ATF7: variants seen among roughly 807,000 people sequenced by gnomAD.
ATF7 encodes the protein cyclic AMP-dependent transcription factor ATF-7.
Under a neutral mutation model 50.4 loss-of-function variants are expected in ATF7, and 10 were observed. The observed-to-expected ratio is 0.20, with a 90% confidence interval of 0.12 to 0.34. The LOEUF is 0.34. Ranked by LOEUF, ATF7 falls within the 10% of genes least tolerant of loss-of-function variation. ATF7 has a pLI of 1.00. For missense variants in ATF7, 465 were observed against 613.9 expected (o/e 0.76, Z 2.56); for synonymous variants, 201 against 226.4 (o/e 0.89, Z 1.01).
chr12:53,600,397 G>A (rs1943344524), intron 2 of ATF7, among the ~76,000 whole-genome samples: 1 of 151,568 alleles, frequency 6.6e-6, no homozygotes, highest in African/African-American at 2.4e-5. Context: ...CTGGAGTGCA[G>A]TCGCACAATT....
intron 2 of ATF7, among the ~76,000 whole-genome samples, chr12:53,557,981 A>T (rs184904365): frequency 2.5e-4 from 38 of 152,364 alleles, no homozygotes; most frequent in African/African-American, 8.9e-4. Flanking sequence ...TTTTAATGTA[A>T]CTACTAGAAA....
intron 11 of ATF7, 196 bp from the exon 12 acceptor site, chr12:53,517,550 G>A (rs1937786603): frequency 3.3e-6 from 2 of 599,130 alleles, no homozygotes; most frequent in Admixed American, 5.9e-5. Context: ...TGTAAGAAGG[G>A]AAGAACTAGG....
chr12:53,550,323 C>CAAAAAAAAA (rs72114384), intron 3 of ATF7, among the ~76,000 whole-genome samples: 1 of 126,368 alleles, frequency 7.9e-6, no homozygotes, highest in African/African-American at 3.0e-5. Flanking sequence ...GACCCTGTCT[C>CAAAAAAAAA]AAAAAAAAAA....
intron 2 of ATF7, among the ~76,000 whole-genome samples, chr12:53,578,778 T>C (rs1942236073): frequency 7.7e-6 from 1 of 129,518 alleles, no homozygotes; most frequent in South Asian, 2.5e-4. Context: ...AGTGAGATGC[T>C]GTCTCAAAAA....
chr12:53,579,994 G>A (rs1323189875), intron 2 of ATF7, among the ~76,000 whole-genome samples: 3 of 151,832 alleles, frequency 2.0e-5, no homozygotes, highest in African/African-American at 4.8e-5. Flanking sequence ...GGAGTGGCAC[G>A]ATCTCAGTTC....
intron 2 of ATF7, among the ~76,000 whole-genome samples, chr12:53,595,805 G>A (rs1943127542): frequency 6.6e-6 from 1 of 152,182 alleles, no homozygotes; most frequent in South Asian, 2.1e-4. Context: ...GAAAGGAAAA[G>A]CAGGCCCCAG....
chr12:53,556,670 A>G (rs1940777695), intron 2 of ATF7, among the ~76,000 whole-genome samples: 2 of 152,148 alleles, frequency 1.3e-5, no homozygotes, highest in African/African-American at 4.8e-5. Flanking sequence ...ATTTTCTCTC[A>G]CTTATTAAGA....
rs371379555 is a variant in ATF7 at position 53,552,512 on chromosome 12, A to G, written c.145+29T>C. The G allele has an allele frequency of 2.5e-4, 391 of 1,566,098 alleles. 2 individuals are homozygous for G. Among genetic ancestry groups the G allele is most frequent in the Non-Finnish European group, 3.4e-4 (381 of 1,137,056 alleles). ...TAATCTTAACTGCCTGGTGGTATCA[A>G]GGCACGTGGCTTTTGGGGCAGCAAA... On this transcript the variant is annotated intron_variant, in intron 3 of 11. Coordinates refer to ENST00000420353, the MANE Select transcript of ATF7 (RefSeq NM_006856.3).
At chr12:53,520,296 G>C (rs888738674) in intron 11 of ATF7, among the ~76,000 whole-genome samples, 8 of 151,988 alleles carry the variant, frequency 5.3e-5, no homozygotes, top group Non-Finnish European at 1.2e-4. Flanking sequence ...ACTAACTATG[G>C]CCAGGTGTGG....
At chr12:53,561,531 T>C (rs911235499) in intron 2 of ATF7, among the ~76,000 whole-genome samples, 5 of 152,204 alleles carry the variant, frequency 3.3e-5, no homozygotes, top group African/African-American at 1.2e-4. Context: ...CAAGGCTTCT[T>C]GCCCTCACTG....
At chr12:53,584,795 T>C (rs947292497) in intron 2 of ATF7, among the ~76,000 whole-genome samples, 1 of 152,194 alleles carries the variant, frequency 6.6e-6, no homozygotes, top group African/African-American at 2.4e-5. Context: ...GAAACGGCCT[T>C]ATATTGTATG....
In ATF7 at chr12:53,512,617, A is replaced by G. The variant is rs1297671430; in HGVS notation, c.*4520T>C. ...GCTTGGCTGGTCCTTACTGTAACAG[A>G]GAACATGGAGTGACCAGTCTGCAAG... On this transcript the variant is annotated 3_prime_UTR_variant, in exon 12 of 12. Transcript: ENST00000420353. The G allele has an allele frequency of 1.3e-5, 2 of 152,224 alleles. No individual in the cohort carries two copies. The highest frequency in any genetic ancestry group is 2.9e-5 in the Non-Finnish European group (2 of 68,044). The allele number at this position is 152,224 out of a possible 1,614,324, so 9.4% of individuals were successfully genotyped here. A position where few individuals can be genotyped will look rare whatever the true frequency, so the allele number is the denominator to read the frequency against.
At chr12:53,606,395 T>C (rs1012591444) in intron 1 of ATF7, among the ~76,000 whole-genome samples, 14 of 151,966 alleles carry the variant, frequency 9.2e-5, no homozygotes, top group African/African-American at 2.4e-4. Flanking sequence ...ATTACAGGCA[T>C]GTGCCACCAC....
At chr12:53,536,378 G>C (rs1192255052) in intron 5 of ATF7, among the ~76,000 whole-genome samples, 1 of 151,518 alleles carries the variant, frequency 6.6e-6, no homozygotes, top group Non-Finnish European at 1.5e-5. Context: ...CTGGGTTCAA[G>C]CAATTCTCCT....
intron 1 of ATF7, among the ~76,000 whole-genome samples, chr12:53,611,481 T>C (rs1022875471): frequency 3.3e-5 from 5 of 152,138 alleles, no homozygotes; most frequent in Non-Finnish European, 5.9e-5. Context: ...ACAAAATTCT[T>C]AATCCAGTAA....
chr12:53,550,957 A>G (rs1052530581), intron 3 of ATF7, among the ~76,000 whole-genome samples: 3 of 152,240 alleles, frequency 2.0e-5, no homozygotes, highest in African/African-American at 7.2e-5. Context: ...CTCCAACTTT[A>G]TAACCTTGCC....
At chr12:53,623,209 CAA>C (rs998435329) in intron 1 of ATF7, among the ~76,000 whole-genome samples, 5 of 152,074 alleles carry the variant, frequency 3.3e-5, no homozygotes, top group Non-Finnish European at 1.5e-5. Flanking sequence ...TTAGAGTATT[CAA>C]AAGTCAAAAG....
At chr12:53,519,064 A>AC (rs1405803862) in intron 11 of ATF7, among the ~76,000 whole-genome samples, 2 of 152,106 alleles carry the variant, frequency 1.3e-5, no homozygotes, top group East Asian at 1.9e-4. Flanking sequence ...AAAAAAAAAA[A>AC]AAAAAAGATT....
chr12:53,608,509 T>C (rs989393328), intron 1 of ATF7, among the ~76,000 whole-genome samples: 1 of 152,182 alleles, frequency 6.6e-6, no homozygotes, highest in African/African-American at 2.4e-5. Context: ...AGGACCCATT[T>C]TGAATGCTTC....
Sources: gnomAD v4.1 joint callset for allele counts (sites outside exome capture counted in the v4.1 genomes callset) on GRCh38, gnomAD v4.1.1 for gene constraint, MANE v1.5 for transcripts, NCBI Gene and HGNC (gene_info 2026-07-23, HGNC 2026-07-21) for gene names.